Variants in DGKB observed in about 807,000 individuals in gnomAD.
The protein encoded by DGKB is diacylglycerol kinase beta.
A neutral mutation model predicts 114.3 loss-of-function variants in DGKB; 67 were observed. That is an observed-to-expected ratio of 0.59 (90% CI 0.48 to 0.72). The LOEUF is 0.72. Ranked by LOEUF, DGKB falls within the 30% of genes least tolerant of loss-of-function variation. The probability of loss-of-function intolerance (pLI) is 0.00; values close to 1 mark genes in which losing one functional copy is unlikely to be tolerated. For synonymous variants in DGKB, 398 were observed against 323.1 expected (o/e 1.23, Z -2.49); for missense variants, 907 against 975.2 (o/e 0.93, Z 0.93).
intron 15 of DGKB, among the ~76,000 whole-genome samples, chr7:14,620,979 T>C (rs1037952335): frequency 1.3e-5 from 2 of 151,746 alleles, no homozygotes; most frequent in African/African-American, 4.8e-5. Context: ...CATTTTCTTC[T>C]TTCCTAAAGT....
intron 20 of DGKB, among the ~76,000 whole-genome samples, chr7:14,510,081 C>A (rs530234008): frequency 6.6e-6 from 1 of 152,092 alleles, no homozygotes; most frequent in Admixed American, 6.5e-5. Context: ...GAGGCTGAGG[C>A]GGGGATCTTG....
chr7:14,933,875 A>C (rs555935806), intron 1 of DGKB, among the ~76,000 whole-genome samples: 5 of 152,192 alleles, frequency 3.3e-5, no homozygotes, highest in Admixed American at 1.3e-4. Flanking sequence ...AAATTACAAA[A>C]AATTGCTTTT....
chr7:14,284,712 G>A (rs1455010630), intron 23 of DGKB, among the ~76,000 whole-genome samples: 1 of 151,206 alleles, frequency 6.6e-6, no homozygotes, highest in African/African-American at 2.4e-5. Flanking sequence ...TCCTTTGTAG[G>A]GACATGGATG....
chr7:14,622,640 A>T (rs780150200), intron 14 of DGKB, among the ~76,000 whole-genome samples: 4 of 152,164 alleles, frequency 2.6e-5, no homozygotes, highest in Non-Finnish European at 5.9e-5. Context: ...TACATGGCTT[A>T]AACATCCATT....
At chr7:14,726,770 C>T (rs1830093576) in intron 5 of DGKB, among the ~76,000 whole-genome samples, 1 of 152,164 alleles carries the variant, frequency 6.6e-6, no homozygotes, top group Non-Finnish European at 1.5e-5. Flanking sequence ...TTTCTTATTG[C>T]TCATCTGTGT....
chr7:14,154,382 C>A (rs1223171867), intron 25 of DGKB, among the ~76,000 whole-genome samples: 1 of 151,870 alleles, frequency 6.6e-6, no homozygotes, highest in Non-Finnish European at 1.5e-5. Flanking sequence ...TTCTCAGAAG[C>A]AGAACAGCTT....
At chr7:14,664,163 TC>T (rs1817633879) in intron 13 of DGKB, among the ~76,000 whole-genome samples, 1 of 152,000 alleles carries the variant, frequency 6.6e-6, no homozygotes, top group Non-Finnish European at 1.5e-5. Flanking sequence ...CTAATGAACT[TC>T]CCCTGCACAT....
intron 21 of DGKB, 25 bp from the exon 22 acceptor site, chr7:14,345,416 C>T (rs756189300): frequency 5.5e-6 from 7 of 1,265,734 alleles, no homozygotes; most frequent in Non-Finnish European, 7.8e-6. Context: ...GAAGAAGCAC[C>T]TTAGGCAATT....
intron 9 of DGKB, among the ~76,000 whole-genome samples, chr7:14,691,690 T>C (rs1822894979): frequency 6.6e-6 from 1 of 152,102 alleles, no homozygotes; most frequent in Non-Finnish European, 1.5e-5. Flanking sequence ...CTTACTTTTT[T>C]CACAAAAATG....
At chr7:14,153,557 T>G (rs774716675) in intron 25 of DGKB, among the ~76,000 whole-genome samples, 2 of 152,042 alleles carry the variant, frequency 1.3e-5, no homozygotes, top group African/African-American at 4.8e-5. Flanking sequence ...CTGGGTTTGA[T>G]AGTTGACTCT....
At chr7:14,760,223 T>C (rs954567509) in intron 2 of DGKB, among the ~76,000 whole-genome samples, 14 of 152,154 alleles carry the variant, frequency 9.2e-5, no homozygotes, top group African/African-American at 3.4e-4. Context: ...ATTTTCCATA[T>C]TGTGATCAGA....
intron 20 of DGKB, among the ~76,000 whole-genome samples, chr7:14,478,440 C>T (rs2128905988): frequency 6.6e-6 from 1 of 152,218 alleles, no homozygotes; most frequent in Admixed American, 6.5e-5. Context: ...AATAATTTCA[C>T]AATTGATTAT....
At chr7:14,734,927 C>T (rs948093990) in intron 5 of DGKB, among the ~76,000 whole-genome samples, 1 of 151,602 alleles carries the variant, frequency 6.6e-6, no homozygotes, top group Non-Finnish European at 1.5e-5. Context: ...TAGAGAGAGA[C>T]GAGAAGGCAC....
At chr7:14,585,757 CT>C (rs1342636441) in intron 17 of DGKB, among the ~76,000 whole-genome samples, 1 of 152,130 alleles carries the variant, frequency 6.6e-6, no homozygotes, top group African/African-American at 2.4e-5. Context: ...CACTTGGTGT[CT>C]GTGTCACATT....
chr7:14,210,217 T>A (rs1787530340), intron 23 of DGKB, among the ~76,000 whole-genome samples: 1 of 152,032 alleles, frequency 6.6e-6, no homozygotes, highest in Non-Finnish European at 1.5e-5. Flanking sequence ...ATTAGAGTAT[T>A]TATATGATAC....
At chr7:14,713,163 A>G (rs1425902358) in intron 6 of DGKB, among the ~76,000 whole-genome samples, 2 of 152,102 alleles carry the variant, frequency 1.3e-5, no homozygotes, top group Non-Finnish European at 2.9e-5. Context: ...TATGCAAGAT[A>G]ATTTTTTATA....
rs1228797252 is a variant in DGKB, at chr7:14,478,231, G to A, written c.1771-6C>T. The A allele has an allele frequency of 6.4e-7, 1 of 1,567,714 alleles. No homozygotes were observed. Among genetic ancestry groups the A allele is most frequent in the Non-Finnish European group, 8.7e-7 (1 of 1,152,444 alleles). On this transcript the variant is annotated splice_polypyrimidine_tract_variant and splice_region_variant and intron_variant, in intron 20 of 25. Coordinates refer to ENST00000402815, the MANE Select transcript of DGKB (RefSeq NM_001350709.2). ...CTGTGTGCAATGGAGGCATCCTAAG[G>A]GGAGAAAATAGAAAACAAAAACAGG...
chr7:14,184,855 G>C (rs962080264), intron 23 of DGKB, among the ~76,000 whole-genome samples: 1 of 152,044 alleles, frequency 6.6e-6, no homozygotes. Flanking sequence ...CAGCAAAATC[G>C]GTATGCAAGG....
At chr7:14,725,960 A>T (rs1025999970) in intron 5 of DGKB, among the ~76,000 whole-genome samples, 1 of 152,166 alleles carries the variant, frequency 6.6e-6, no homozygotes, top group African/African-American at 2.4e-5. Flanking sequence ...TAATGTACAC[A>T]ATACTATTTC....
Sources: allele counts gnomAD v4.1 joint callset (sites outside exome capture counted in the v4.1 genomes callset), GRCh38; gene constraint gnomAD v4.1.1; transcripts MANE v1.5; gene names NCBI Gene and HGNC (gene_info 2026-07-23, HGNC 2026-07-21).